The following SALL4 variants were observed in gnomAD, a reference collection of about 807,000 sequenced individuals.
SALL4 encodes sal-like protein 4.
In SALL4, 4 loss-of-function variants were observed where a neutral mutation model predicts 60.8. That is an observed-to-expected ratio of 0.07 (90% CI 0.03 to 0.15). The LOEUF (loss-of-function observed/expected upper bound fraction) is 0.15. SALL4 is among the 10% of genes least tolerant of loss of function. SALL4 has a pLI of 1.00. For missense variants in SALL4, 1,178 were observed against 1,394.7 expected (o/e 0.84, Z 2.48); for synonymous variants, 580 against 574.9 (o/e 1.01, Z -0.13).
Position 51,784,561 on chromosome 20 carries a change from C to T in SALL4, c.2866G>A (p.Glu956Lys). 8.1e-6 allele frequency: 13 copies of T among 1,614,120 alleles called. No homozygotes were observed. The highest frequency in any genetic ancestry group is 1.1e-5 in the Non-Finnish European group (13 of 1,180,030). The change falls in exon 4 of 4, where the codon GAA becomes AAA. Residue 956 changes from glutamate (E) to lysine (K), a missense_variant. By Grantham distance (56) the Glu-to-Lys change is moderately conservative. Transcript: ENST00000217086. ...GKRVSEIFPKEILAPSVNVDP... is the reference protein window; with the variant it reads ...GKRVSEIFPKKILAPSVNVDP... Reference sequence around the variant, plus strand: ...ACATTCACTGAAGGGGCCAGGATTTCCTTGGGAAAGATTTCTGAGACTCTT... The same window carrying T: ...ACATTCACTGAAGGGGCCAGGATTTTCTTGGGAAAGATTTCTGAGACTCTT...
Position 51,802,351 on chromosome 20 carries a change from C to T in SALL4, c.58G>A (p.Glu20Lys). The T allele has an allele frequency of 6.2e-7, 1 of 1,610,866 alleles. No individual in the cohort carries two copies. The highest frequency in any genetic ancestry group is 8.5e-7 in the Non-Finnish European group (1 of 1,179,764). Residue 20 changes from glutamate to lysine, a missense_variant, in exon 1 of 4, where the codon GAG becomes AAG. By Grantham distance (56) the Glu-to-Lys change is moderately conservative. Around this residue, in one of 5 missense-constraint regions of SALL4, gnomAD observed 108 missense variants for 95.7 expected, o/e 1.13. Coordinates refer to ENST00000217086, the MANE Select transcript of SALL4 (RefSeq NM_020436.5). ...QHINSEEDQG[E>K]QQPQQQTPEF... ...GGGGTCTGCTGCTGCGGCTGCTGCT[C>T]GCCCTGGTCCTCCTCCGAGTTGATG...
intron 1 of SALL4, among the ~76,000 whole-genome samples, chr20:51,799,680 T>C (rs975445106): frequency 6.6e-6 from 1 of 152,226 alleles, no homozygotes; most frequent in African/African-American, 2.4e-5. Context: ...TGGTGAGTAA[T>C]TGGAAATAGG....
At chr20:51,797,694 A>G (rs1291695590) in intron 1 of SALL4, 1 of 150,718 alleles carries the variant, frequency 6.6e-6, no homozygotes, top group Non-Finnish European at 1.5e-5. Flanking sequence ...TAGTTCTTCC[A>G]TTTCTCCACC....
In SALL4 at chr20:51,788,678, A is replaced by T. The variant is rs1413107586; in HGVS notation, c.2742+183T>A. Among the ~76,000 whole-genome samples, 3 of 152,078 alleles carry T rather than the reference A, an allele frequency of 2.0e-5. No homozygotes were observed. On this transcript the variant is annotated intron_variant, in intron 3 of 3. Coordinates refer to ENST00000217086, the MANE Select transcript of SALL4 (RefSeq NM_020436.5). The surrounding 1 kb of genome is among the most constrained non-coding windows in gnomAD (Gnocchi z 4.1). ...GCGCCACTGCACTCCAGTCTGGGCG[A>T]CAGAGTGAGACTCCGTCTCAAAAAT... is the stretch of plus-strand genomic sequence containing the variant.
intron 1 of SALL4, chr20:51,792,818 G>A: frequency 5.8e-6 from 6 of 1,041,538 alleles, no homozygotes; most frequent in Non-Finnish European, 5.8e-6. Context: ...GTTTTAGCCA[G>A]ATGCTGGGGT....
intron 1 of SALL4, among the ~76,000 whole-genome samples, chr20:51,800,414 C>T (rs2078102533): frequency 6.6e-6 from 1 of 152,246 alleles, no homozygotes; most frequent in Non-Finnish European, 1.5e-5. Flanking sequence ...TCCCAAATCG[C>T]AGTGGCAGCG....
At position 51,791,763 on chromosome 20, in the gene SALL4, G is replaced by A; in HGVS notation, c.720C>T (p.Asn240=). Residue 240 remains asparagine, a synonymous_variant, in exon 2 of 4, where the codon AAC becomes AAT. Coordinates refer to ENST00000217086, the MANE Select transcript of SALL4 (RefSeq NM_020436.5). This position sits in a 1 kb window ranked among gnomAD's most constrained non-coding sequence, Gnocchi z 4.6. ...AGTGGAGGGCGTGGGAGGCCCACAT[G>A]TTCACCTGGATGCGGATCTGCTCGG... ...QLTEQIRIQV[N]MWASHALHSS... 1 of 1,614,094 alleles carries A rather than the reference G, an allele frequency of 6.2e-7. No homozygotes were observed.
chr20:51,785,670 G>A (rs2077986973), intron 3 of SALL4, among the ~76,000 whole-genome samples: 1 of 151,982 alleles, frequency 6.6e-6, no homozygotes, highest in Non-Finnish European at 1.5e-5. Flanking sequence ...TTGAGACGGA[G>A]TCTCGCTCTG....
Position 51,792,283 on chromosome 20 carries a change from C to T in SALL4, c.200G>A (p.Arg67His), listed in dbSNP as rs1237675652. The T allele has an allele frequency of 5.6e-6, 9 of 1,611,430 alleles. No individual in the cohort carries two copies. The highest frequency in any genetic ancestry group is 1.1e-5 in the South Asian group (1 of 91,088). ...SEDEATVKRL[R>H]REETHVCEKC... The stretch of plus-strand genomic sequence containing the variant: ...CTCACAGACGTGCGTCTCCTCCCGA[C>T]GAAGCCGCTTTACTGTGGCTTCATC... The change falls in exon 2 of 4, where the codon CGT becomes CAT. Residue 67 changes from arginine to histidine, a missense_variant. Physicochemically the swap from Arg to His is conservative, Grantham distance 29 (BLOSUM62 0). This residue lies in a region of SALL4 where 108 missense variants were observed against 95.7 expected (regional missense o/e 1.13). Coordinates refer to ENST00000217086, the MANE Select transcript of SALL4 (RefSeq NM_020436.5).
intron 1 of SALL4, among the ~76,000 whole-genome samples, chr20:51,799,751 G>C (rs2078098906): frequency 6.6e-6 from 1 of 152,064 alleles, no homozygotes; most frequent in Admixed American, 6.6e-5. Context: ...TAGCACAAAG[G>C]GCATTTGAAA....
At position 51,801,948 on chromosome 20, in the gene SALL4, T is replaced by G. The variant is rs1485925100; in HGVS notation, c.130+331A>C. Among the ~76,000 whole-genome samples the G allele has an allele frequency of 3.1e-3, 405 of 130,886 alleles. No homozygotes were observed. Among genetic ancestry groups the G allele is most frequent in the Middle Eastern group, 4.3e-3 (1 of 234 alleles). The allele number at this position is 130,886 out of a possible 152,430, so 85.9% of individuals were successfully genotyped here. A position where few individuals can be genotyped will look rare whatever the true frequency, so the allele number is the denominator to read the frequency against. On this transcript the variant is annotated intron_variant, in intron 1 of 3. Transcript: ENST00000217086. The surrounding 1 kb of genome is among the most constrained non-coding windows in gnomAD (Gnocchi z 5.2). ...GGGGGGGTAACACCAGTGAGGGGAG[T>G]GGAACCAATTAAGTGAGGGGCAGAG...
chr20:51,799,988 C>G (rs2078100121), intron 1 of SALL4, among the ~76,000 whole-genome samples: 1 of 151,996 alleles, frequency 6.6e-6, no homozygotes, highest in Non-Finnish European at 1.5e-5. Context: ...ATATACCTAA[C>G]ACATATAATT....
chr20:51,797,973 AACG>A (rs2078088597), intron 1 of SALL4, among the ~76,000 whole-genome samples: 1 of 152,162 alleles, frequency 6.6e-6, no homozygotes, highest in Admixed American at 6.5e-5. Flanking sequence ...ACATTTAAAG[AACG>A]ACAATGAGTA....
At chr20:51,785,539 G>T (rs1043451760) in intron 3 of SALL4, among the ~76,000 whole-genome samples, 3 of 152,192 alleles carry the variant, frequency 2.0e-5, no homozygotes, top group Non-Finnish European at 4.4e-5. Context: ...CCAAGATGGG[G>T]CTTATAGTCT....
chr20:51,784,706 GT>G, intron 3 of SALL4, 22 bp from the exon 4 acceptor site: 5 of 1,614,030 alleles, frequency 3.1e-6, no homozygotes, highest in Non-Finnish European at 4.2e-6. Context: ...GGACAGAAAG[GT>G]TTTTACCAAA....
chr20:51,792,688 C>CCA (rs2078055555), intron 1 of SALL4: 2 of 166,370 alleles, frequency 1.2e-5, no homozygotes, highest in Non-Finnish European at 1.5e-5. Context: ...GACTCCATCT[C>CCA]AAAAAAAAAA....
At position 51,788,820 on chromosome 20, in the gene SALL4, G is replaced by T. The variant is rs764780540; in HGVS notation, c.2742+41C>A. 1.5e-5 allele frequency: 24 copies of T among 1,610,566 alleles called. No individual in the cohort carries two copies. In the South Asian group the frequency reaches 2.4e-4, roughly 16 times the overall value. ...GCTTGTGCCAATAAGAAGACACCTG[G>T]TGCCTAGCCCCCATCCTGCTGAAAG... On this transcript the variant is annotated intron_variant, in intron 3 of 3. Coordinates refer to ENST00000217086, the MANE Select transcript of SALL4 (RefSeq NM_020436.5). This position sits in a 1 kb window ranked among gnomAD's most constrained non-coding sequence, Gnocchi z 4.1.
At chr20:51,784,994 T>C (rs1356118801) in intron 3 of SALL4, among the ~76,000 whole-genome samples, 5 of 152,192 alleles carry the variant, frequency 3.3e-5, no homozygotes, top group Non-Finnish European at 7.3e-5. Context: ...TTTTATTTTA[T>C]ACATGAGCAC....
chr20:51,800,662 G>T (rs1052755007), intron 1 of SALL4, among the ~76,000 whole-genome samples: 2 of 152,160 alleles, frequency 1.3e-5, no homozygotes, highest in Admixed American at 1.3e-4. Context: ...AAGCAGGCGG[G>T]CTGAGGGTTA....
Sources: gnomAD v4.1 joint callset for allele counts (sites outside exome capture counted in the v4.1 genomes callset) on GRCh38, gnomAD v4.1.1 for gene constraint, gnomAD v4.1.1 regional missense constraint, Gnocchi (gnomAD v3.1) non-coding constraint, MANE v1.5 for transcripts, NCBI Gene and HGNC (gene_info 2026-07-23, HGNC 2026-07-21) for gene names.